The following NRG2 variants were observed in gnomAD, a reference collection of about 807,000 sequenced individuals.
NRG2 encodes the protein neuregulin 2, also known as pro-neuregulin-2, membrane-bound isoform.
In NRG2, 27 loss-of-function variants were observed where a neutral mutation model predicts 73.9. The observed-to-expected ratio is 0.37, with a 90% CI of 0.27 to 0.50. NRG2 has a LOEUF of 0.50. Among genes scored for constraint, NRG2 ranks in the 20% least tolerant of loss-of-function variants. The pLI is 0.96. For synonymous variants in NRG2, 532 were observed against 541.0 expected (o/e 0.98, Z 0.23); for missense variants, 1,126 against 1,210.1 (o/e 0.93, Z 1.03).
rs115277595 is a variant in NRG2, at chr5:139,907,315, C to T, written c.701-19804G>A. The stretch of plus-strand genomic sequence containing the variant: ...GTATGTGAGGGGTGGGAGAGGGCAA[C>T]GATGAGATCCTCTGCTTCCTGAATT... On this transcript the variant is annotated intron_variant, in intron 1 of 9. Transcript: ENST00000361474. Among the ~76,000 whole-genome samples the T allele has an allele frequency of 7.6e-3, 1,159 of 152,244 alleles. 16 individuals are homozygous for T. The highest frequency in any genetic ancestry group is 0.027 in the African/African-American group (1,107 of 41,512).
intron 1 of NRG2, among the ~76,000 whole-genome samples, chr5:139,987,251 G>A (rs1000529829): frequency 6.6e-6 from 1 of 151,092 alleles, no homozygotes; most frequent in Non-Finnish European, 1.5e-5. Flanking sequence ...GTGGCGGTGA[G>A]CGCCTGTAGT....
rs966824616 is a variant in NRG2, at chr5:139,847,646, CTTTT to C, written c.*267_*270del. The C allele has an allele frequency of 2.2e-5, 6 of 275,356 alleles. No individual in the cohort carries two copies. Among genetic ancestry groups the C allele is most frequent in the Non-Finnish European group, 3.3e-5 (5 of 152,102 alleles). The allele number at this position is 275,356 out of a possible 1,614,324, so 17.1% of individuals were successfully genotyped here. On this transcript the variant is annotated 3_prime_UTR_variant, in exon 10 of 10. Transcript: ENST00000361474. ...AGAGTCAAAAAATTGGCCCATCTCT[CTTTT>C]TTTTTTGTTGTTTCTTTTTTTTTTC...
rs575795228 is a variant in NRG2 at position 139,914,768 on chromosome 5, G to A, written c.701-27257C>T. Among the ~76,000 whole-genome samples, 11 of 152,188 alleles carry A rather than the reference G, an allele frequency of 7.2e-5. No homozygotes were observed. The East Asian group carries it at 1.4e-3, about 19-fold the overall frequency. ...CTTAGTTCTGTTTGCCCAGGTGCCC[G>A]CCCCACCCACTAGCTCTGAGGCCCC... On this transcript the variant is annotated intron_variant, in intron 1 of 9. Coordinates refer to ENST00000361474, the MANE Select transcript of NRG2 (RefSeq NM_004883.3).
intron 1 of NRG2, among the ~76,000 whole-genome samples, chr5:140,030,716 A>G (rs921398552): frequency 2.6e-4 from 40 of 152,224 alleles, no homozygotes; most frequent in African/African-American, 9.6e-4. Context: ...TCCAGCAGAA[A>G]GACCTTTCTC....
In NRG2 at chr5:139,904,475, T is replaced by G; in HGVS notation, c.701-16964A>C. On this transcript the variant is annotated intron_variant, in intron 1 of 9. Transcript: ENST00000361474. This position sits in a 1 kb window ranked among gnomAD's most constrained non-coding sequence, Gnocchi z 6.0. ...GCGCCCCCGCCGCCTGCAGCCTCAG[T>G]GCCCGAGCGCGGCGCCTTTCTTATA... The G allele has an allele frequency of 2.4e-6, 2 of 832,048 alleles. No individual in the cohort carries two copies. Among genetic ancestry groups the G allele is most frequent in the Non-Finnish European group, 3.7e-6 (2 of 538,370 alleles). The allele number at this position is 832,048 out of a possible 1,614,324, so 51.5% of individuals were successfully genotyped here.
At chr5:140,041,292 A>G (rs570248182) in intron 1 of NRG2, among the ~76,000 whole-genome samples, 1 of 152,338 alleles carries the variant, frequency 6.6e-6, no homozygotes, top group East Asian at 1.9e-4. Flanking sequence ...GTTGGGACAA[A>G]ACGAAACCTC....
intron 1 of NRG2, among the ~76,000 whole-genome samples, chr5:140,009,398 A>T (rs962958664): frequency 1.8e-4 from 28 of 152,326 alleles, no homozygotes; most frequent in African/African-American, 6.0e-4. Context: ...TCTAAATGGG[A>T]TTCTACATAC....
chr5:139,923,073 G>A (rs766051232), intron 1 of NRG2, among the ~76,000 whole-genome samples: 43 of 152,162 alleles, frequency 2.8e-4, no homozygotes, highest in Admixed American at 1.5e-3. Context: ...ACAACATCAA[G>A]AGTGAACTCT....
intron 1 of NRG2, among the ~76,000 whole-genome samples, chr5:140,003,580 C>T (rs947957477): frequency 5.3e-5 from 8 of 152,184 alleles, no homozygotes; most frequent in South Asian, 4.1e-4. Flanking sequence ...AGAAGGAACA[C>T]GGTCTTGCCA....
chr5:139,891,502 C>T (rs1178676141), intron 1 of NRG2, among the ~76,000 whole-genome samples: 1 of 152,150 alleles, frequency 6.6e-6, no homozygotes. Context: ...TTCATTTATT[C>T]AGTTCATTCC....
At chr5:140,021,939 C>G (rs1760264722) in intron 1 of NRG2, among the ~76,000 whole-genome samples, 1 of 152,222 alleles carries the variant, frequency 6.6e-6, no homozygotes, top group Non-Finnish European at 1.5e-5. Flanking sequence ...TCTGCCCTTA[C>G]AGAATCAACA....
At chr5:139,893,622 T>G (rs756128840) in intron 1 of NRG2, among the ~76,000 whole-genome samples, 10 of 152,172 alleles carry the variant, frequency 6.6e-5, no homozygotes, top group Admixed American at 2.6e-4. Context: ...TTCCTTCCCC[T>G]AAGGTTTCCT....
chr5:140,009,119 C>A (rs1759157919), intron 1 of NRG2, among the ~76,000 whole-genome samples: 1 of 152,220 alleles, frequency 6.6e-6, no homozygotes, highest in African/African-American at 2.4e-5. Context: ...CTTCCCTGAG[C>A]TGCATCATCA....
In NRG2 at chr5:139,915,879, G is replaced by A. The variant is rs1751216131; in HGVS notation, c.701-28368C>T. 6.6e-6 allele frequency among the ~76,000 whole-genome samples: 1 copy of A among 152,188 alleles called. No individual in the cohort carries two copies. Among genetic ancestry groups the A allele is most frequent in the Non-Finnish European group, 1.5e-5 (1 of 68,042 alleles). On this transcript the variant is annotated intron_variant, in intron 1 of 9. Coordinates refer to ENST00000361474, the MANE Select transcript of NRG2 (RefSeq NM_004883.3). The surrounding 1 kb of genome is among the most constrained non-coding windows in gnomAD (Gnocchi z 4.0). ...AGTGGGAATCCACAAAACAGGTTCA[G>A]AGAATGATGAATATTACATTTTGAC... is the stretch of plus-strand genomic sequence containing the variant.
chr5:139,860,091 T>A (rs1379258385), intron 5 of NRG2, among the ~76,000 whole-genome samples: 1 of 152,078 alleles, frequency 6.6e-6, no homozygotes, highest in Non-Finnish European at 1.5e-5. Context: ...CTGAGCTCCT[T>A]CCCTGACACC....
chr5:139,851,078 C>T lies in NRG2; in HGVS notation c.1772+526G>A, dbSNP rs1381789931. Among the ~76,000 whole-genome samples, 1 of 151,912 alleles carries T rather than the reference C, an allele frequency of 6.6e-6. No individual in the cohort carries two copies. Among genetic ancestry groups the T allele is most frequent in the African/African-American group, 2.4e-5 (1 of 41,314 alleles). On this transcript the variant is annotated intron_variant, in intron 9 of 9. Coordinates refer to ENST00000361474, the MANE Select transcript of NRG2 (RefSeq NM_004883.3). This position sits in a 1 kb window ranked among gnomAD's most constrained non-coding sequence, Gnocchi z 4.2. ...TCTCAGCTCACTGCAACCTCCGCCTCCCAGGTGAAGGGATGCTCTTGCCTC... is the reference window on the plus strand; with the variant it reads ...TCTCAGCTCACTGCAACCTCCGCCTTCCAGGTGAAGGGATGCTCTTGCCTC...
At chr5:139,967,998 TAA>T (rs894949803) in intron 1 of NRG2, among the ~76,000 whole-genome samples, 2 of 150,750 alleles carry the variant, frequency 1.3e-5, no homozygotes, top group Non-Finnish European at 3.0e-5. Context: ...AATAAATAAA[TAA>T]ATAAATAAAT....
Position 139,891,451 on chromosome 5 carries a change from A to G in NRG2, c.701-3940T>C, listed in dbSNP as rs1022540048. Among the ~76,000 whole-genome samples, 11 of 152,212 alleles carry G rather than the reference A, an allele frequency of 7.2e-5. No homozygotes were observed. The South Asian group carries it at 1.7e-3, about 23-fold the overall frequency. ...CTCAGTAGCCATTTCTGGATAGTCCACTCACTTCAGAACAACCCTATCTAG... is the reference window on the plus strand; with the variant it reads ...CTCAGTAGCCATTTCTGGATAGTCCGCTCACTTCAGAACAACCCTATCTAG... On this transcript the variant is annotated intron_variant, in intron 1 of 9. Transcript: ENST00000361474.
chr5:139,882,638 G>A (rs940784103), intron 2 of NRG2, among the ~76,000 whole-genome samples: 6 of 152,094 alleles, frequency 3.9e-5, no homozygotes, highest in Non-Finnish European at 8.8e-5. Context: ...CTTGCCCAGG[G>A]TATGGCTTCT....
Sources: gnomAD v4.1 joint callset for allele counts (sites outside exome capture counted in the v4.1 genomes callset) on GRCh38, gnomAD v4.1.1 for gene constraint, Gnocchi (gnomAD v3.1) non-coding constraint, MANE v1.5 for transcripts, NCBI Gene and HGNC (gene_info 2026-07-23, HGNC 2026-07-21) for gene names.